The following FAM120C variants were observed in gnomAD, a reference collection of about 807,000 sequenced individuals.
FAM120C encodes constitutive coactivator of PPAR-gamma-like protein 2.
Under a neutral mutation model 71.2 loss-of-function variants are expected in FAM120C, and 14 were observed. The observed-to-expected ratio is 0.20, with a 90% CI of 0.13 to 0.31. FAM120C has a LOEUF of 0.31. Ranked by LOEUF, FAM120C falls within the 10% of genes least tolerant of loss-of-function variation. The pLI, the probability that FAM120C is intolerant of heterozygous loss-of-function variation, is 1.00. For synonymous variants in FAM120C, 354 were observed against 353.2 expected, an observed-to-expected ratio of 1.00 and a Z score of -0.03; for missense variants, 500 against 879.0, an observed-to-expected ratio of 0.57 and a Z score of 5.45.
In FAM120C at chrX:54,087,869, T is replaced by G; in HGVS notation, c.2523A>C (p.Pro841=). ...ATGGACAGCAATGCTCCCAAGGGAC[T>G]GGCTGGCCACAGGCATCATTAGCAA... is the stretch of plus-strand genomic sequence containing the variant. The part of the protein sequence containing the change: ...ALFANDACGQ[P]VPWEHCCPWI... Residue 841 remains proline (P), a synonymous_variant, in exon 12 of 16, where the codon CCA becomes CCC. Coordinates refer to ENST00000375180, the MANE Select transcript of FAM120C (RefSeq NM_017848.6). 1 of 1,211,785 alleles carries G rather than the reference T, an allele frequency of 8.3e-7. No individual in the cohort carries two copies. Among genetic ancestry groups the G allele is most frequent in the Non-Finnish European group, 1.1e-6 (1 of 895,478 alleles).
chrX:54,076,221 C>T (rs1569531263), intron 15 of FAM120C, among the ~76,000 whole-genome samples: 5 of 110,599 alleles, frequency 4.5e-5, no homozygotes. Flanking sequence ...CTACTGTAAT[C>T]CCAGCTACTT....
At chrX:54,116,458 T>G in intron 10 of FAM120C, 87 bp downstream of exon 10, 1 of 1,054,092 alleles carries the variant, frequency 9.5e-7, no homozygotes. Context: ...TTTCCCCACC[T>G]TGAAATACCA....
At chrX:54,075,448 G>A (rs2066729943) in intron 15 of FAM120C, among the ~76,000 whole-genome samples, 1 of 111,680 alleles carries the variant, frequency 9.0e-6, no homozygotes, top group African/African-American at 3.3e-5. Context: ...GATGGAATTA[G>A]CCACCTGAAG....
chrX:54,164,919 A>AT (rs1256069329), intron 1 of FAM120C, among the ~76,000 whole-genome samples: 2 of 111,567 alleles, frequency 1.8e-5, no homozygotes, highest in African/African-American at 6.5e-5. Flanking sequence ...GTCAACACTT[A>AT]TTTTTTTGTG....
At chrX:54,143,413 C>T (rs1332063095) in intron 4 of FAM120C, among the ~76,000 whole-genome samples, 3 of 110,089 alleles carry the variant, frequency 2.7e-5, no homozygotes, top group Admixed American at 9.8e-5. Context: ...ATTGATAGAC[C>T]GCTAGCAAGA....
At chrX:54,136,663 G>A in intron 4 of FAM120C, 73 bp from the exon 5 acceptor site, 2 of 718,540 alleles carry the variant, frequency 2.8e-6, no homozygotes, top group South Asian at 2.9e-5. Flanking sequence ...CATAATTTGG[G>A]AATCAAAATA....
chrX:54,083,433 CCA>C (rs781964795), intron 13 of FAM120C, among the ~76,000 whole-genome samples: 3,099 of 78,867 alleles, frequency 0.039, 167 homozygotes, highest in African/African-American at 0.13. Context: ...GACCCCATCT[CCA>C]CACACACACA....
rs782519397 is a variant in FAM120C, at chrX:54,182,740, C to T, written c.459G>A (p.Leu153=). 1 of 1,209,861 alleles carries T rather than the reference C, an allele frequency of 8.3e-7. No individual in the cohort carries two copies. The highest frequency in any genetic ancestry group is 1.1e-6 in the Non-Finnish European group (1 of 894,910). The part of the protein sequence containing the change: ...WNAMLGYLSA[L]CQACAYPGGD... ...CGCCAGGATAGGCACAAGCCTGGCA[C>T]AGCGCTGACAAGTAGCCCAGCATGG... is the stretch of plus-strand genomic sequence containing the variant. Residue 153 remains leucine, a synonymous_variant, in exon 1 of 16, where the codon CTG becomes CTA. Transcript: ENST00000375180.
At chrX:54,179,643 T>G (rs782307548) in intron 1 of FAM120C, among the ~76,000 whole-genome samples, 1 of 111,658 alleles carries the variant, frequency 9.0e-6, no homozygotes, top group African/African-American at 3.3e-5. Context: ...ACTTTAGATA[T>G]GCAATTTTGG....
chrX:54,144,644 C>T (rs1364599132), intron 4 of FAM120C, among the ~76,000 whole-genome samples: 1 of 111,673 alleles, frequency 9.0e-6, no homozygotes, highest in African/African-American at 3.3e-5. Context: ...AACTACAAAC[C>T]ACTGCTCAAT....
At chrX:54,140,346 C>T (rs1326183725) in intron 4 of FAM120C, among the ~76,000 whole-genome samples, 8 of 107,986 alleles carry the variant, frequency 7.4e-5, no homozygotes, top group Non-Finnish European at 7.7e-5. Context: ...TAGCTGGGCG[C>T]GGTGGCTCAC....
chrX:54,140,784 A>G (rs1557131566), intron 4 of FAM120C, among the ~76,000 whole-genome samples: 1 of 106,488 alleles, frequency 9.4e-6, no homozygotes, highest in Admixed American at 1.0e-4. Flanking sequence ...TACCAAAAAT[A>G]CAAAAATTAG....
At chrX:54,101,761 C>T (rs1417420407) in intron 10 of FAM120C, among the ~76,000 whole-genome samples, 1 of 111,869 alleles carries the variant, frequency 8.9e-6, no homozygotes, top group African/African-American at 3.2e-5. Flanking sequence ...TCCAATACCT[C>T]GCTCATCAGT....
At chrX:54,167,401 C>T (rs1364360693) in intron 1 of FAM120C, among the ~76,000 whole-genome samples, 1 of 111,732 alleles carries the variant, frequency 8.9e-6, no homozygotes, top group Non-Finnish European at 1.9e-5. Flanking sequence ...CATAACCAAA[C>T]AACTGATCAG....
chrX:54,136,629 T>A (rs781945583), intron 4 of FAM120C, 39 bp from the exon 5 acceptor site: 11 of 920,841 alleles, frequency 1.2e-5, no homozygotes, highest in Non-Finnish European at 1.7e-5. Context: ...AGAAAAAACA[T>A]GAGAGTGTTT....
chrX:54,126,990 T>C (rs1946905163), intron 9 of FAM120C, among the ~76,000 whole-genome samples: 1 of 112,308 alleles, frequency 8.9e-6, no homozygotes, highest in Non-Finnish European at 1.9e-5. Context: ...GATCAAGGTA[T>C]TGGTAGAGGC....
At chrX:54,091,502 C>T in intron 10 of FAM120C, 76 bp from the exon 11 acceptor site, 2 of 716,363 alleles carry the variant, frequency 2.8e-6, no homozygotes, top group South Asian at 3.0e-5. Context: ...AAGCTAAGAA[C>T]CTATCATGAG....
chrX:54,161,268 T>C (rs1268319513), intron 1 of FAM120C, among the ~76,000 whole-genome samples: 1 of 111,635 alleles, frequency 9.0e-6, no homozygotes, highest in Non-Finnish European at 1.9e-5. Flanking sequence ...TTCTCTCTCT[T>C]CATCACAACC....
Position 54,147,037 on chromosome X carries a change from C to T in FAM120C, c.1158+4208G>A, listed in dbSNP as rs144536906. On this transcript the variant is annotated intron_variant, in intron 4 of 15. Transcript: ENST00000375180. ...ATGTAATTAAAAAAGAAAAGCAGGCCGGGCGTGGTGGCTCATTCCTGTAAT... is the reference window on the plus strand; with the variant it reads ...ATGTAATTAAAAAAGAAAAGCAGGCTGGGCGTGGTGGCTCATTCCTGTAAT... 3.9e-3 allele frequency among the ~76,000 whole-genome samples: 418 copies of T among 108,443 alleles called. 4 individuals are homozygous for T. The highest frequency in any genetic ancestry group is 0.013 in the African/African-American group (404 of 30,557). 94.2% of individuals were successfully genotyped at this position (108,443 alleles called of 115,157 possible).
Sources: allele counts gnomAD v4.1 joint callset (sites outside exome capture counted in the v4.1 genomes callset), GRCh38; gene constraint gnomAD v4.1.1; transcripts MANE v1.5; gene names NCBI Gene and HGNC (gene_info 2026-07-23, HGNC 2026-07-21).